Variants in VPS28 observed in about 807,000 individuals in gnomAD.
VPS28 encodes vacuolar protein sorting-associated protein 28 homolog.
VPS28 carries 29 observed loss-of-function variants against 33.7 expected under a neutral mutation model. The ratio of observed to expected loss-of-function variants is 0.86; its 90% CI spans 0.64 to 1.17. The LOEUF (loss-of-function observed/expected upper bound fraction) is 1.17. Among genes scored for constraint, VPS28 ranks in the 50% most tolerant of loss-of-function variants. The probability of loss-of-function intolerance (pLI) is 0.00; values close to 1 mark genes in which losing one functional copy is unlikely to be tolerated. For synonymous variants in VPS28, 164 were observed against 116.7 expected, an observed-to-expected ratio of 1.40 and a Z score of -2.61; for missense variants, 247 against 312.2, an observed-to-expected ratio of 0.79 and a Z score of 1.57.
Position 144,423,791 on chromosome 8 carries a change from C to A in VPS28, c.*14G>T, listed in dbSNP as rs545259517. 4 of 1,612,978 alleles carry A rather than the reference C, an allele frequency of 2.5e-6. No homozygotes were observed. The highest frequency in any genetic ancestry group is 3.4e-6 in the Non-Finnish European group (4 of 1,180,028). ...CAGACTCTGCCCTTCTGTGCAAGGG[C>A]TAGTGCCCCGGGCTCAGGCATGCAG... On this transcript the variant is annotated 3_prime_UTR_variant, in exon 10 of 10. Transcript: ENST00000292510.
In VPS28 at chr8:144,424,281, G is replaced by A. The variant is rs1554876092; in HGVS notation, c.403-13C>T. The stretch of plus-strand genomic sequence containing the variant: ...CCGTGATGAAGAGCTGGGGGCAGGT[G>A]TGCACATGAGGCTCGCGTGTCCACG... On this transcript the variant is annotated splice_polypyrimidine_tract_variant and intron_variant, in intron 7 of 9. Coordinates refer to ENST00000292510, the MANE Select transcript of VPS28 (RefSeq NM_016208.4). The A allele has an allele frequency of 3.1e-6, 5 of 1,591,838 alleles. No individual in the cohort carries two copies. Among genetic ancestry groups the A allele is most frequent in the African/African-American group, 1.4e-5 (1 of 74,002 alleles).
Position 144,426,070 on chromosome 8 carries a change from G to T in VPS28, c.67-7C>A. The T allele has an allele frequency of 6.5e-7, 1 of 1,545,670 alleles. No homozygotes were observed. The highest frequency in any genetic ancestry group is 8.8e-7 in the Non-Finnish European group (1 of 1,141,356). On this transcript the variant is annotated splice_region_variant and splice_polypyrimidine_tract_variant and intron_variant, in intron 3 of 9. Transcript: ENST00000292510. ...TCTTGTACAACTTCACTTCCTGCCG[G>T]AGAGAGCGGGCTCTGTGGGCCAGTG...
At position 144,424,241 on chromosome 8, in the gene VPS28, G is replaced by T; in HGVS notation, c.430C>A (p.Arg144Ser). The part of the protein sequence containing the change: ...SLFITVMDKL[R>S]LEIRAMDEIQ... ...TCATCCATGGCGCGGATCTCCAGAC[G>T]CAGCTTGTCCATGACCGTGATGAAG... The change falls in exon 8 of 10, where the codon CGT becomes AGT. Residue 144 changes from arginine to serine, a missense_variant. Physicochemically the swap from Arg to Ser is moderately radical, Grantham distance 110. Transcript: ENST00000292510. 2 of 1,606,124 alleles carry T rather than the reference G, an allele frequency of 1.2e-6. No homozygotes were observed. The highest frequency in any genetic ancestry group is 1.7e-6 in the Non-Finnish European group (2 of 1,175,220).
intron 1 of VPS28, chr8:144,427,227 A>T: frequency 3.4e-6 from 1 of 297,302 alleles, no homozygotes; most frequent in Non-Finnish European, 6.5e-6. Context: ...TGAACCCAGG[A>T]GGTGAAGGTT....
chr8:144,426,922 C>G lies in VPS28; in HGVS notation c.24G>C (p.Thr8=). The change falls in exon 2 of 10, where the codon ACG becomes ACC. Residue 8 remains threonine, a synonymous_variant. Transcript: ENST00000292510. The part of the protein sequence containing the change: MFHGIPA[T]PGIGAPGNKP... ...AGCCACACTCACCTCCTATGCCCGG[C>G]GTGGCTGGGATCCCATGAAACATCC... 6.2e-7 allele frequency: 1 copy of G among 1,612,586 alleles called. No homozygotes were observed. Among genetic ancestry groups the G allele is most frequent in the Non-Finnish European group, 8.5e-7 (1 of 1,179,754 alleles).
intron 2 of VPS28, chr8:144,426,703 C>A: frequency 1.7e-6 from 1 of 583,746 alleles, no homozygotes; most frequent in South Asian, 2.1e-5. Context: ...AGCTCATCAT[C>A]TCTGCCCAGC....
At position 144,424,091 on chromosome 8, in the gene VPS28, G is replaced by A. The variant is rs782589840; in HGVS notation, c.498C>T (p.Arg166=). ...CAAAGTCGGGTGGGAGGTGGCTCAT[G>A]CGGTGCATGGTCTCCATCAGCTCTC... The part of the protein sequence containing the change: ...DLRELMETMH[R]MSHLPPDFEG... Residue 166 remains arginine (R), a synonymous_variant, in exon 9 of 10, where the codon CGC becomes CGT. Transcript: ENST00000292510. The A allele has an allele frequency of 1.0e-5, 16 of 1,560,740 alleles. No homozygotes were observed. The highest frequency in any genetic ancestry group is 4.1e-5 in the African/African-American group (3 of 74,058).
At chr8:144,427,624 G>A (rs1362041165) in intron 1 of VPS28, among the ~76,000 whole-genome samples, 3 of 152,174 alleles carry the variant, frequency 2.0e-5, no homozygotes, top group South Asian at 2.1e-4. Flanking sequence ...GAACTTGGAG[G>A]AACCAACAAG....
Position 144,424,297 on chromosome 8 carries a change from C to T in VPS28, c.403-29G>A, listed in dbSNP as rs368917382. On this transcript the variant is annotated intron_variant, in intron 7 of 9. Coordinates refer to ENST00000292510, the MANE Select transcript of VPS28 (RefSeq NM_016208.4). The stretch of plus-strand genomic sequence containing the variant: ...GGGGCAGGTGTGCACATGAGGCTCG[C>T]GTGTCCACGGGTGCGGGAGGCCCCA... The T allele has an allele frequency of 2.4e-3, 3,697 of 1,568,970 alleles. 15 individuals carry two copies. Among genetic ancestry groups the T allele is most frequent in the Non-Finnish European group, 2.8e-3 (3,268 of 1,158,324 alleles).
At chr8:144,424,367 G>C in intron 7 of VPS28, 99 bp from the exon 8 acceptor site, 1 of 1,452,152 alleles carries the variant, frequency 6.9e-7, no homozygotes, top group Non-Finnish European at 9.2e-7. Context: ...CTGTCACTTG[G>C]GCCTCCTCAC....
chr8:144,426,013 C>T lies in VPS28; in HGVS notation c.104+13G>A, dbSNP rs782185383. 1.4e-5 allele frequency: 21 copies of T among 1,507,270 alleles called. No individual in the cohort carries two copies. The highest frequency in any genetic ancestry group is 1.0e-4 in the South Asian group (8 of 79,312). The allele number at this position is 1,507,270 out of a possible 1,614,324, so 93.4% of individuals were successfully genotyped here. A position where few individuals can be genotyped will look rare whatever the true frequency, so the allele number is the denominator to read the frequency against. ...CATGGGTGTGTTGGGACAGCCTGGG[C>T]GCCTGGACTTACTTCTCCCTCTCCC... On this transcript the variant is annotated intron_variant, in intron 4 of 9. Transcript: ENST00000292510.
intron 2 of VPS28, chr8:144,426,424 A>T: frequency 1.8e-6 from 1 of 570,320 alleles, no homozygotes; most frequent in Non-Finnish European, 2.9e-6. Context: ...GCCGCATGAC[A>T]GGCCCAGCTC....
At chr8:144,428,321 G>C (rs1392528079) in intron 1 of VPS28, among the ~76,000 whole-genome samples, 168 bp downstream of exon 1, 5 of 152,278 alleles carry the variant, frequency 3.3e-5, no homozygotes, top group African/African-American at 1.2e-4. Context: ...ACCTCGCAGA[G>C]TGGACAACGA....
At chr8:144,427,021 G>C in intron 1 of VPS28, 42 bp from the exon 2 acceptor site, 1 of 1,466,144 alleles carries the variant, frequency 6.8e-7, no homozygotes, top group South Asian at 1.2e-5. Flanking sequence ...TGGCCCCTAA[G>C]CCAGGCGCTG....
chr8:144,425,459 G>A (rs1386234709), intron 5 of VPS28: 22 of 592,958 alleles, frequency 3.7e-5, no homozygotes, highest in Non-Finnish European at 5.7e-5. Context: ...GGGGGATGAG[G>A]GTGGGGGAGT....
intron 2 of VPS28, chr8:144,426,525 CAGCTCCCCAGCTCCACCAT>C (rs1415998084): frequency 1.3e-4 from 57 of 431,314 alleles, no homozygotes; most frequent in African/African-American, 1.1e-3. Flanking sequence ...ATGACAGGCC[CAGCTCCCCAGCTCCACCAT>C]GGCTCCCTGG....
chr8:144,426,718 C>T (rs1390171410), intron 2 of VPS28, 191 bp downstream of exon 2: 6 of 622,552 alleles, frequency 9.6e-6, no homozygotes, highest in South Asian at 2.0e-5. Context: ...CCCAGCAGGA[C>T]CAAGCCAGTT....
At chr8:144,425,436 G>A (rs1822664264) in intron 5 of VPS28, 1 of 581,272 alleles carries the variant, frequency 1.7e-6, no homozygotes, top group Non-Finnish European at 3.1e-6. Context: ...CGTTTTTTAA[G>A]GTTGCCTGTG....
At chr8:144,425,385 GCC>G in intron 5 of VPS28, 1 of 554,320 alleles carries the variant, frequency 1.8e-6, no homozygotes, top group Non-Finnish European at 3.2e-6. Context: ...ATTGAACAAA[GCC>G]CCCCCAAAAG....
Sources: allele counts gnomAD v4.1 joint callset (sites outside exome capture counted in the v4.1 genomes callset), GRCh38; gene constraint gnomAD v4.1.1; transcripts MANE v1.5; gene names NCBI Gene and HGNC (gene_info 2026-07-23, HGNC 2026-07-21).